NHS: variants seen among roughly 807,000 people sequenced by gnomAD.
The protein encoded by NHS is actin remodeling regulator NHS.
A neutral mutation model predicts 72.5 loss-of-function variants in NHS; 5 were observed. The ratio of observed to expected loss-of-function variants is 0.07; its 90% CI spans 0.04 to 0.14. NHS has a LOEUF of 0.14. Ranked by LOEUF, NHS falls within the 10% of genes least tolerant of loss-of-function variation. NHS has a pLI of 1.00. For synonymous variants in NHS, 464 were observed against 547.7 expected, an observed-to-expected ratio of 0.85 and a Z score of 2.13; for missense variants, 1,072 against 1,355.7, an observed-to-expected ratio of 0.79 and a Z score of 3.29.
intron 1 of NHS, among the ~76,000 whole-genome samples, chrX:17,599,155 T>C (rs867387738): frequency 1.8e-5 from 2 of 112,391 alleles, no homozygotes; most frequent in South Asian, 3.7e-4. Context: ...ATGGGCATTT[T>C]GCTAATATCC....
chrX:17,401,187 C>T (rs1454789916), intron 1 of NHS, among the ~76,000 whole-genome samples: 1 of 112,189 alleles, frequency 8.9e-6, no homozygotes, highest in Non-Finnish European at 1.9e-5. Flanking sequence ...TGAATATCCA[C>T]ATGCAAAAGA....
At chrX:17,499,636 A>G (rs1311620088) in intron 1 of NHS, among the ~76,000 whole-genome samples, 1 of 111,276 alleles carries the variant, frequency 9.0e-6, no homozygotes, top group Non-Finnish European at 1.9e-5. Context: ...AGGAAGCTGA[A>G]TGGGGCACAG....
intron 1 of NHS, among the ~76,000 whole-genome samples, chrX:17,589,665 C>CTTTTTTTTTTTTTTTTTTTT (rs1569288982): frequency 9.0e-6 from 1 of 110,884 alleles, no homozygotes; most frequent in Admixed American, 9.7e-5. Flanking sequence ...GTATCTTTTT[C>CTTTTTTTTTTTTTTTTTTTT]ATATGACTTA....
chrX:17,459,844 C>G (rs1263280758), intron 1 of NHS, among the ~76,000 whole-genome samples: 1 of 112,193 alleles, frequency 8.9e-6, no homozygotes, highest in Non-Finnish European at 1.9e-5. Context: ...TCCCAACACC[C>G]CCTTCCAAAA....
chrX:17,680,400 A>G (rs1229716084), intron 1 of NHS, among the ~76,000 whole-genome samples: 2 of 112,482 alleles, frequency 1.8e-5, no homozygotes, highest in Admixed American at 1.9e-4. Context: ...TCATCAGCAC[A>G]TGAAAGGAGT....
chrX:17,513,917 G>T (rs936034334), intron 1 of NHS, among the ~76,000 whole-genome samples: 1 of 112,115 alleles, frequency 8.9e-6, no homozygotes, highest in Non-Finnish European at 1.9e-5. Flanking sequence ...ATTTACAAAA[G>T]AAAGAGGTTT....
intron 8 of NHS, among the ~76,000 whole-genome samples, chrX:17,731,221 TTCC>T (rs2066484632): frequency 1.1e-5 from 1 of 93,530 alleles, no homozygotes; most frequent in Non-Finnish European, 2.1e-5. Flanking sequence ...GTATAGTTTC[TTCC>T]TTTTTTTTTT....
At chrX:17,442,145 A>G (rs2064758522) in intron 1 of NHS, among the ~76,000 whole-genome samples, 2 of 112,730 alleles carry the variant, frequency 1.8e-5, no homozygotes, top group Admixed American at 1.9e-4. Context: ...AATGAGTGTG[A>G]TCTGTGTATT....
At chrX:17,655,351 G>A (rs966623061) in intron 1 of NHS, among the ~76,000 whole-genome samples, 1 of 112,163 alleles carries the variant, frequency 8.9e-6, no homozygotes, top group East Asian at 2.8e-4. Flanking sequence ...TGGGTAACGC[G>A]CAGCCCCAGC....
chrX:17,651,547 C>T (rs1228489656), intron 1 of NHS, among the ~76,000 whole-genome samples: 1 of 112,020 alleles, frequency 8.9e-6, no homozygotes, highest in Non-Finnish European at 1.9e-5. Context: ...CTAGGCTCTT[C>T]CCATCTTAGG....
intron 1 of NHS, among the ~76,000 whole-genome samples, chrX:17,412,027 G>T (rs2064562033): frequency 9.0e-6 from 1 of 110,752 alleles, no homozygotes; most frequent in African/African-American, 3.3e-5. Context: ...CCTGAAGTTT[G>T]CAGTGACATA....
intron 1 of NHS, among the ~76,000 whole-genome samples, chrX:17,571,382 C>T (rs778882522): frequency 8.9e-6 from 1 of 112,128 alleles, no homozygotes; most frequent in South Asian, 3.7e-4. Context: ...TCAACTTCTT[C>T]CTGGTTTAGT....
intron 1 of NHS, among the ~76,000 whole-genome samples, chrX:17,439,944 A>C (rs1370264319): frequency 8.9e-6 from 1 of 111,806 alleles, no homozygotes; most frequent in African/African-American, 3.3e-5. Flanking sequence ...AAAGTAAGAA[A>C]ATTTACTTTG....
rs3222310 is a variant in NHS at position 17,723,726 on chromosome X, G to GGTGTGTGTGTGTGTGTGTGTGT, written c.1109-549_1109-528dup. ...TGTTGAGTTTCCTCACAGCAAAAGA[G>GGTGTGTGTGTGTGTGTGTGTGT]GTGTGTGTGTGTGTGTGTGTGTGTG... On this transcript the variant is annotated intron_variant, in intron 5 of 8. Coordinates refer to ENST00000676302, the MANE Select transcript of NHS (RefSeq NM_001291867.2). 2.3e-4 allele frequency among the ~76,000 whole-genome samples: 16 copies of GGTGTGTGTGTGTGTGTGTGTGT among 71,072 alleles called. 1 individual carries two copies. Among genetic ancestry groups the GGTGTGTGTGTGTGTGTGTGTGT allele is most frequent in the Middle Eastern group, 0.011 (1 of 90 alleles). 61.7% of individuals were successfully genotyped at this position (71,072 alleles called of 115,157 possible). A position where few individuals can be genotyped will look rare whatever the true frequency, so the allele number is the denominator to read the frequency against.
At chrX:17,687,129 C>A in intron 1 of NHS, 1 of 122,673 alleles carries the variant, frequency 8.2e-6, no homozygotes, top group East Asian at 2.3e-4. Context: ...TTCTTTAATG[C>A]GTATGCTCAC....
chrX:17,731,642 C>A (rs905570256), intron 8 of NHS, among the ~76,000 whole-genome samples: 1 of 111,180 alleles, frequency 9.0e-6, no homozygotes, highest in African/African-American at 3.3e-5. Context: ...TAATTTGTGT[C>A]CTGGTTATCA....
chrX:17,511,322 C>T (rs929053820), intron 1 of NHS, among the ~76,000 whole-genome samples: 5 of 111,547 alleles, frequency 4.5e-5, no homozygotes, highest in Non-Finnish European at 1.9e-5. Flanking sequence ...TGAGCACCAC[C>T]GTAGGTCTCT....
chrX:17,573,497 C>T (rs761483949), intron 1 of NHS, among the ~76,000 whole-genome samples: 1 of 109,208 alleles, frequency 9.2e-6, no homozygotes, highest in Non-Finnish European at 1.9e-5. Context: ...GTATGCTTCA[C>T]GAAGTTCTCG....
intron 1 of NHS, among the ~76,000 whole-genome samples, chrX:17,612,654 A>G (rs1272427292): frequency 8.9e-6 from 1 of 111,747 alleles, no homozygotes. Context: ...GATCCACACT[A>G]CTTTTGCCCT....
Sources: allele counts gnomAD v4.1 joint callset (sites outside exome capture counted in the v4.1 genomes callset), GRCh38; gene constraint gnomAD v4.1.1; transcripts MANE v1.5; gene names NCBI Gene and HGNC (gene_info 2026-07-23, HGNC 2026-07-21).